Variants in ADAMTS16 observed in about 807,000 individuals in gnomAD.
ADAMTS16 encodes the protein ADAM metallopeptidase with thrombospondin type 1 motif 16, also known as A disintegrin and metalloproteinase with thrombospondin motifs 16.
Under a neutral mutation model 145.8 loss-of-function variants are expected in ADAMTS16, and 94 were observed. The observed-to-expected ratio is 0.64, with a 90% CI of 0.55 to 0.77. The LOEUF is 0.77. Among genes scored for constraint, ADAMTS16 ranks in the 30% least tolerant of loss-of-function variants. ADAMTS16 has a pLI of 0.00. For synonymous variants in ADAMTS16, 659 were observed against 604.3 expected (o/e 1.09, Z -1.33); for missense variants, 1,585 against 1,591.5 (o/e 1.00, Z 0.07).
At chr5:5,274,591 A>G (rs531862058) in intron 18 of ADAMTS16, among the ~76,000 whole-genome samples, 1 of 152,266 alleles carries the variant, frequency 6.6e-6, no homozygotes, top group African/African-American at 2.4e-5. Flanking sequence ...TTATTTATCC[A>G]GTCACCTGCT....
chr5:5,257,204 C>T (rs1229094290), intron 17 of ADAMTS16, among the ~76,000 whole-genome samples: 5 of 152,108 alleles, frequency 3.3e-5, no homozygotes, highest in Admixed American at 2.6e-4. Context: ...TTAAGTAATA[C>T]ATAAAGAAAA....
At chr5:5,236,143 A>G (rs1737098270) in intron 13 of ADAMTS16, among the ~76,000 whole-genome samples, 1 of 152,206 alleles carries the variant, frequency 6.6e-6, no homozygotes, top group South Asian at 2.1e-4. Context: ...TAATCATGGA[A>G]GCACACAGTA....
At position 5,310,601 on chromosome 5, in the gene ADAMTS16, T is replaced by C. The variant is rs968180514; in HGVS notation, c.3411+3873T>C. On this transcript the variant is annotated intron_variant, in intron 21 of 22. Coordinates refer to ENST00000274181, the MANE Select transcript of ADAMTS16 (RefSeq NM_139056.4). The surrounding 1 kb of genome is among the most constrained non-coding windows in gnomAD (Gnocchi z 4.3). ...GTGGTGGGTGGCACTGGCTGTGTGA[T>C]GGGTGACAGAGGCAGGCATCGGAGT... Among the ~76,000 whole-genome samples, 6 of 152,224 alleles carry C rather than the reference T, an allele frequency of 3.9e-5. No homozygotes were observed. Among genetic ancestry groups the C allele is most frequent in the Admixed American group, 2.6e-4 (4 of 15,312 alleles).
chr5:5,297,519 T>C (rs1416587215), intron 18 of ADAMTS16, among the ~76,000 whole-genome samples: 3 of 152,318 alleles, frequency 2.0e-5, no homozygotes, highest in Non-Finnish European at 4.4e-5. Context: ...ACTGAGGCTG[T>C]CTGTTTTGAA....
At chr5:5,167,398 A>G (rs1734912102) in intron 3 of ADAMTS16, among the ~76,000 whole-genome samples, 1 of 152,202 alleles carries the variant, frequency 6.6e-6, no homozygotes, top group Admixed American at 6.5e-5. Context: ...CCAGGAATAT[A>G]TTCAGTCCTT....
In ADAMTS16 at chr5:5,140,604, C is replaced by T. The variant is rs1412678976; in HGVS notation, c.73-60C>T. 4 of 1,518,874 alleles carry T rather than the reference C, an allele frequency of 2.6e-6. No homozygotes were observed. The East Asian group carries it at 1.0e-4, about 38-fold the overall frequency. The allele number at this position is 1,518,874 out of a possible 1,614,324, so 94.1% of individuals were successfully genotyped here. A position where few individuals can be genotyped will look rare whatever the true frequency, so the allele number is the denominator to read the frequency against. ...TCCGGACAGCTGGAGGCGAGTCCCCCGCGGCTCCTCTCCCGCGGACCCCGC... is the reference window on the plus strand; with the variant it reads ...TCCGGACAGCTGGAGGCGAGTCCCCTGCGGCTCCTCTCCCGCGGACCCCGC... On this transcript the variant is annotated intron_variant, in intron 1 of 22. Coordinates refer to ENST00000274181, the MANE Select transcript of ADAMTS16 (RefSeq NM_139056.4).
chr5:5,313,030 T>C (rs926167940), intron 21 of ADAMTS16, among the ~76,000 whole-genome samples: 2 of 152,246 alleles, frequency 1.3e-5, no homozygotes, highest in African/African-American at 4.8e-5. Context: ...ATTTAACGTA[T>C]ACCCTAAAAT....
intron 9 of ADAMTS16, among the ~76,000 whole-genome samples, chr5:5,206,663 G>A (rs1736130921): frequency 6.6e-6 from 1 of 151,512 alleles, no homozygotes; most frequent in South Asian, 2.1e-4. Context: ...TGTATTTTTA[G>A]TAGAGACAGG....
intron 18 of ADAMTS16, among the ~76,000 whole-genome samples, chr5:5,298,481 G>A (rs972303009): frequency 9.7e-5 from 8 of 82,882 alleles, no homozygotes; most frequent in African/African-American, 3.2e-4. Context: ...GCCAACCGAG[G>A]AGGATGGCAA....
At chr5:5,189,401 CT>C (rs1735596180) in intron 6 of ADAMTS16, among the ~76,000 whole-genome samples, 1 of 152,204 alleles carries the variant, frequency 6.6e-6, no homozygotes, top group African/African-American at 2.4e-5. Flanking sequence ...GCAAAGTCTC[CT>C]TTTAGTTGCA....
rs371643679 is a variant in ADAMTS16 at position 5,222,900 on chromosome 5, T to C, written c.1701+16T>C. 6.3e-5 allele frequency: 102 copies of C among 1,610,504 alleles called. No individual in the cohort carries two copies. The highest frequency in any genetic ancestry group is 5.2e-4 in the Admixed American group (31 of 60,010). On this transcript the variant is annotated intron_variant, in intron 11 of 22. Transcript: ENST00000274181. ...GCATGACATGGTAAGAAGCTAACTG[T>C]AGGTACAGCATCGTATTCAGATGCT...
chr5:5,212,051 A>C (rs1451327686), intron 10 of ADAMTS16, among the ~76,000 whole-genome samples: 1 of 152,158 alleles, frequency 6.6e-6, no homozygotes, highest in Non-Finnish European at 1.5e-5. Flanking sequence ...ACTGTTTTTT[A>C]AATAATATTT....
At chr5:5,298,213 G>T (rs1378312843) in intron 18 of ADAMTS16, among the ~76,000 whole-genome samples, 1 of 152,230 alleles carries the variant, frequency 6.6e-6, no homozygotes, top group Admixed American at 6.5e-5. Flanking sequence ...TGGAGGATTT[G>T]ATTTCTGATA....
At chr5:5,236,441 AAC>A (rs1443115934) in intron 13 of ADAMTS16, among the ~76,000 whole-genome samples, 4 of 152,348 alleles carry the variant, frequency 2.6e-5, no homozygotes, top group African/African-American at 9.6e-5. Flanking sequence ...AATATTTTAA[AAC>A]AGTTTATTGT....
At chr5:5,289,940 A>G (rs1186034403) in intron 18 of ADAMTS16, among the ~76,000 whole-genome samples, 1 of 152,250 alleles carries the variant, frequency 6.6e-6, no homozygotes, top group African/African-American at 2.4e-5. Context: ...CAATCAGGGC[A>G]AAATAGCAGT....
intron 18 of ADAMTS16, among the ~76,000 whole-genome samples, chr5:5,297,369 C>A (rs934945675): frequency 1.3e-5 from 2 of 152,180 alleles, no homozygotes; most frequent in African/African-American, 2.4e-5. Flanking sequence ...GGAAAGTGGG[C>A]AGAGGGGCAG....
chr5:5,206,425 C>CTAAA (rs1736119527), intron 9 of ADAMTS16, among the ~76,000 whole-genome samples: 1 of 39,432 alleles, frequency 2.5e-5, no homozygotes. Flanking sequence ...GACTCCGTCT[C>CTAAA]AAAAAAAAAA....
intron 4 of ADAMTS16, 21 bp downstream of exon 4, chr5:5,182,326 G>A (rs540092185): frequency 1.3e-6 from 2 of 1,599,412 alleles, no homozygotes; most frequent in Non-Finnish European, 1.7e-6. Flanking sequence ...GCGAATCTTT[G>A]TGTGTATTTA....
rs73735780 is a variant in ADAMTS16, at chr5:5,269,391, T to C, written c.2789+6608T>C. On this transcript the variant is annotated intron_variant, in intron 18 of 22. Transcript: ENST00000274181. This position sits in a 1 kb window ranked among gnomAD's most constrained non-coding sequence, Gnocchi z 4.3. ...ATCCCATGTTATCACTCTAAAAGTG[T>C]GGTCACCCAAGGATGGTACACAATC... Among the ~76,000 whole-genome samples, 18,005 of 152,110 alleles carry C rather than the reference T, an allele frequency of 0.12. 1,273 individuals carry two copies. Among genetic ancestry groups the C allele is most frequent in the East Asian group, 0.27 (1,400 of 5,146 alleles).
Sources: allele counts gnomAD v4.1 joint callset (sites outside exome capture counted in the v4.1 genomes callset), GRCh38; gene constraint gnomAD v4.1.1; non-coding constraint Gnocchi (gnomAD v3.1); transcripts MANE v1.5; gene names NCBI Gene and HGNC (gene_info 2026-07-23, HGNC 2026-07-21).